Variants in TMTC3 observed in about 807,000 individuals in gnomAD.
TMTC3 encodes transmembrane O-mannosyltransferase targeting cadherins 3.
Under a neutral mutation model 92.2 loss-of-function variants are expected in TMTC3, and 52 were observed. That is an observed-to-expected ratio of 0.56 (90% CI 0.45 to 0.71). The LOEUF is 0.71. Among genes scored for constraint, TMTC3 ranks in the 30% least tolerant of loss-of-function variants. TMTC3 has a pLI of 0.00. For missense variants in TMTC3, 896 were observed against 1,057.1 expected (o/e 0.85, Z 2.11); for synonymous variants, 339 against 363.3 (o/e 0.93, Z 0.76).
chr12:88,197,291 T>C lies in TMTC3; in HGVS notation c.*1642T>C, dbSNP rs962642676. 6.8e-6 allele frequency: 1 copy of C among 148,084 alleles called. No individual in the cohort carries two copies. Among genetic ancestry groups the C allele is most frequent in the East Asian group, 2.0e-4 (1 of 5,066 alleles). 9.2% of individuals were successfully genotyped at this position (148,084 alleles called of 1,614,324 possible). A position where few individuals can be genotyped will look rare whatever the true frequency, so the allele number is the denominator to read the frequency against. ...TTTTTTTTTTTTTTTTTTTAGGTAGTTTAAAGCAAGCACTGATACCAGTGG... is the reference window on the plus strand; with the variant it reads ...TTTTTTTTTTTTTTTTTTTAGGTAGCTTAAAGCAAGCACTGATACCAGTGG... On this transcript the variant is annotated 3_prime_UTR_variant, in exon 14 of 14. Coordinates refer to ENST00000266712, the MANE Select transcript of TMTC3 (RefSeq NM_181783.4).
chr12:88,156,587 T>C (rs1045598764), intron 4 of TMTC3, among the ~76,000 whole-genome samples: 1 of 152,176 alleles, frequency 6.6e-6, no homozygotes, highest in Non-Finnish European at 1.5e-5. Context: ...TCTGAAGTGC[T>C]CTGCTTTTAC....
At chr12:88,171,608 G>T (rs1359704648) in intron 7 of TMTC3, among the ~76,000 whole-genome samples, 2 of 152,080 alleles carry the variant, frequency 1.3e-5, no homozygotes, top group Admixed American at 6.6e-5. Context: ...TCTGTTGATG[G>T]ATACTTAGGT....
chr12:88,155,313 A>G (rs1321514527), intron 4 of TMTC3, among the ~76,000 whole-genome samples: 1 of 152,206 alleles, frequency 6.6e-6, no homozygotes, highest in Non-Finnish European at 1.5e-5. Flanking sequence ...TGTGCATAAT[A>G]ATAGTCCCCT....
chr12:88,150,959 T>C (rs1432792750), intron 2 of TMTC3, among the ~76,000 whole-genome samples: 3 of 152,178 alleles, frequency 2.0e-5, no homozygotes, highest in African/African-American at 7.2e-5. Context: ...GCTTATGCTA[T>C]AGATATGTGC....
chr12:88,173,411 C>G (rs1177018786), intron 8 of TMTC3, among the ~76,000 whole-genome samples: 5 of 151,906 alleles, frequency 3.3e-5, no homozygotes, highest in African/African-American at 1.2e-4. Context: ...CCAGTCATCC[C>G]TCACCCCACA....
intron 7 of TMTC3, among the ~76,000 whole-genome samples, chr12:88,170,778 A>G (rs947831867): frequency 6.6e-6 from 1 of 152,216 alleles, no homozygotes; most frequent in Admixed American, 6.6e-5. Flanking sequence ...ATATGGAAGC[A>G]GATGTCCATA....
At chr12:88,174,198 TA>T (rs1221892814) in intron 8 of TMTC3, among the ~76,000 whole-genome samples, 1 of 152,138 alleles carries the variant, frequency 6.6e-6, no homozygotes, top group Non-Finnish European at 1.5e-5. Flanking sequence ...AGTCTTGGTA[TA>T]AATTGTAAGT....
At chr12:88,161,911 C>T (rs1233006887) in intron 6 of TMTC3, among the ~76,000 whole-genome samples, 7 of 151,754 alleles carry the variant, frequency 4.6e-5, no homozygotes, top group African/African-American at 1.7e-4. Flanking sequence ...CTTGAACATA[C>T]ATTGCTTTAA....
chr12:88,168,045 T>C (rs2041165665), intron 7 of TMTC3, among the ~76,000 whole-genome samples: 1 of 152,056 alleles, frequency 6.6e-6, no homozygotes, highest in Non-Finnish European at 1.5e-5. Flanking sequence ...AACAGTTGAG[T>C]GGGCTAAATA....
At chr12:88,148,971 T>A (rs2040909253) in intron 2 of TMTC3, among the ~76,000 whole-genome samples, 1 of 152,136 alleles carries the variant, frequency 6.6e-6, no homozygotes, top group South Asian at 2.1e-4. Context: ...TTGACTTTAT[T>A]TCTCTTTTTT....
At position 88,172,647 on chromosome 12, in the gene TMTC3, T is replaced by C; in HGVS notation, c.1101T>C (p.Phe367=). The change falls in exon 8 of 14, where the codon TTT becomes TTC. Residue 367 remains phenylalanine, a synonymous_variant. Coordinates refer to ENST00000266712, the MANE Select transcript of TMTC3 (RefSeq NM_181783.4). ...TTATTCCTGCATCGAACCTTTTTTTTCCAGTTGGATTTGTTGTTGCCGAGC... is the reference window on the plus strand; with the variant it reads ...TTATTCCTGCATCGAACCTTTTTTTCCCAGTTGGATTTGTTGTTGCCGAGC... ...LPFIPASNLF[F]PVGFVVAERV... is the part of the protein sequence containing the mutation. 3 of 1,573,578 alleles carry C rather than the reference T, an allele frequency of 1.9e-6. No individual in the cohort carries two copies. The highest frequency in any genetic ancestry group is 2.6e-6 in the Non-Finnish European group (3 of 1,161,002).
chr12:88,192,024 T>TTTC lies in TMTC3; in HGVS notation c.1707-578_1707-577insCTT, dbSNP rs34821178. ...ATGCCCAGCATTTTTCTTTTTTTTT[T>TTTC]TTTCTTTTTTTTTTTTAAGAATGGT... On this transcript the variant is annotated intron_variant, in intron 12 of 13. Transcript: ENST00000266712. 1.4e-4 allele frequency among the ~76,000 whole-genome samples: 20 copies of TTTC among 141,018 alleles called. 1 individual carries two copies. Among genetic ancestry groups the TTTC allele is most frequent in the African/African-American group, 6.3e-4 (20 of 31,800 alleles). The allele number at this position is 141,018 out of a possible 152,430, so 92.5% of individuals were successfully genotyped here.
At chr12:88,189,568 T>C (rs2041420174) in intron 11 of TMTC3, among the ~76,000 whole-genome samples, 1 of 152,132 alleles carries the variant, frequency 6.6e-6, no homozygotes, top group South Asian at 2.1e-4. Flanking sequence ...TATCAAAAAA[T>C]AAAGTGATAA....
chr12:88,181,684 A>C (rs2041319474), intron 10 of TMTC3, among the ~76,000 whole-genome samples: 1 of 152,200 alleles, frequency 6.6e-6, no homozygotes, highest in Admixed American at 6.5e-5. Context: ...GGGCTGTCTT[A>C]AGCTTCTGTA....
intron 2 of TMTC3, 136 bp downstream of exon 2, chr12:88,148,640 C>T (rs1016247886): frequency 1.9e-5 from 12 of 631,992 alleles, no homozygotes; most frequent in South Asian, 1.1e-4. Flanking sequence ...TTATATGAAA[C>T]GTAACATGTT....
rs1164779885 is a variant in TMTC3, at chr12:88,198,111, C to T, written c.*2462C>T. The T allele has an allele frequency of 2.6e-6, 1 of 386,810 alleles. No homozygotes were observed. The highest frequency in any genetic ancestry group is 4.6e-6 in the Non-Finnish European group (1 of 218,742). The allele number at this position is 386,810 out of a possible 1,614,324, so 24.0% of individuals were successfully genotyped here. On this transcript the variant is annotated 3_prime_UTR_variant, in exon 14 of 14. Transcript: ENST00000266712. Reference sequence around the variant, plus strand: ...TGAAATTTAAGAGTTTAAGTTCCATCAAACTAGCCCTTGTGTAAGATTATT... The same window carrying T: ...TGAAATTTAAGAGTTTAAGTTCCATTAAACTAGCCCTTGTGTAAGATTATT...
intron 10 of TMTC3, among the ~76,000 whole-genome samples, chr12:88,178,880 C>T (rs1237958062): frequency 6.6e-6 from 1 of 152,130 alleles, no homozygotes; most frequent in African/African-American, 2.4e-5. Context: ...GTTGTAAATA[C>T]TAAGTTAAGT....
Position 88,176,582 on chromosome 12 carries a change from G to A in TMTC3, c.1432+263G>A, listed in dbSNP as rs148968326. ...CACCAGGAGTTCATGACCAGCCTAG[G>A]CAACAAAGCAAGATCCTGTCTTTAC... On this transcript the variant is annotated intron_variant, in intron 10 of 13. Coordinates refer to ENST00000266712, the MANE Select transcript of TMTC3 (RefSeq NM_181783.4). 1.9e-4 allele frequency among the ~76,000 whole-genome samples: 29 copies of A among 152,090 alleles called. No individual in the cohort carries two copies. The East Asian group carries it at 5.6e-3, about 29-fold the overall frequency.
At chr12:88,143,279 C>G (rs987066522) in intron 1 of TMTC3, among the ~76,000 whole-genome samples, 1 of 151,572 alleles carries the variant, frequency 6.6e-6, no homozygotes, top group Non-Finnish European at 1.5e-5. Flanking sequence ...ATAAGTAGCT[C>G]AGTACAAAAT....
Sources: gnomAD v4.1 joint callset for allele counts (sites outside exome capture counted in the v4.1 genomes callset) on GRCh38, gnomAD v4.1.1 for gene constraint, MANE v1.5 for transcripts, NCBI Gene and HGNC (gene_info 2026-07-23, HGNC 2026-07-21) for gene names.